The following ARID1B variants were observed in gnomAD, a reference collection of about 807,000 sequenced individuals.
ARID1B encodes AT-rich interaction domain 1B.
In ARID1B, 30 loss-of-function variants were observed where a neutral mutation model predicts 212.3. That is an observed-to-expected ratio of 0.14 (90% CI 0.11 to 0.19). ARID1B has a LOEUF of 0.19. Ranked by LOEUF, ARID1B falls within the 10% of genes least tolerant of loss-of-function variation. The pLI is 1.00. For synonymous variants in ARID1B, 1,402 were observed against 1,301.7 expected (o/e 1.08, Z -1.66); for missense variants, 2,891 against 3,204.0 (o/e 0.90, Z 2.36).
intron 8 of ARID1B, among the ~76,000 whole-genome samples, chr6:157,164,022 C>T (rs947288573): frequency 1.3e-5 from 2 of 152,208 alleles, no homozygotes; most frequent in Admixed American, 6.5e-5. Flanking sequence ...ACCTACCTTC[C>T]TCCAGGAATC....
At chr6:156,814,510 A>T (rs1177790013) in intron 1 of ARID1B, among the ~76,000 whole-genome samples, 1 of 152,192 alleles carries the variant, frequency 6.6e-6, no homozygotes, top group African/African-American at 2.4e-5. Context: ...GATTGCAGCA[A>T]ATGGGGGTTG....
intron 2 of ARID1B, among the ~76,000 whole-genome samples, chr6:156,859,656 T>C (rs287909): frequency 0.66 from 100,855 of 152,164 alleles, 33,993 homozygotes; most frequent in African/African-American, 0.76. Flanking sequence ...GGCAGCTTCT[T>C]TCTCTGTGTT....
chr6:156,791,521 T>TA (rs1432932651), intron 1 of ARID1B, among the ~76,000 whole-genome samples: 2 of 152,252 alleles, frequency 1.3e-5, no homozygotes, highest in African/African-American at 4.8e-5. Flanking sequence ...GACCTTCACA[T>TA]ATGTAGATTA....
intron 4 of ARID1B, among the ~76,000 whole-genome samples, chr6:157,031,839 T>A (rs1781033135): frequency 6.6e-6 from 1 of 152,062 alleles, no homozygotes. Flanking sequence ...TTGCCCAGGC[T>A]GGATGGAGTG....
At chr6:156,835,673 T>C (rs964719890) in intron 2 of ARID1B, among the ~76,000 whole-genome samples, 3 of 152,230 alleles carry the variant, frequency 2.0e-5, no homozygotes, top group East Asian at 1.9e-4. Context: ...ATTTTACATA[T>C]AGACTTTCAA....
chr6:156,951,140 GAA>G (rs1793554404), intron 4 of ARID1B, among the ~76,000 whole-genome samples: 1 of 152,130 alleles, frequency 6.6e-6, no homozygotes. Context: ...ACTTTTAACT[GAA>G]AGAGTCCTGG....
At chr6:157,096,691 G>A (rs1009776561) in intron 5 of ARID1B, among the ~76,000 whole-genome samples, 2 of 151,968 alleles carry the variant, frequency 1.3e-5, no homozygotes, top group Non-Finnish European at 2.9e-5. Flanking sequence ...TTACTCCTGA[G>A]CTGCGGGGTC....
chr6:156,944,302 A>T (rs1278311302), intron 4 of ARID1B, among the ~76,000 whole-genome samples: 1 of 152,070 alleles, frequency 6.6e-6, no homozygotes, highest in Non-Finnish European at 1.5e-5. Flanking sequence ...TGTAGCAGGG[A>T]CACTTGAACT....
intron 1 of ARID1B, among the ~76,000 whole-genome samples, chr6:156,785,207 G>A (rs1344256744): frequency 6.6e-6 from 1 of 152,162 alleles, no homozygotes; most frequent in Non-Finnish European, 1.5e-5. Flanking sequence ...TTATTACCAG[G>A]CACCAGACTA....
At chr6:157,090,549 T>G (rs988801250) in intron 5 of ARID1B, among the ~76,000 whole-genome samples, 10 of 152,274 alleles carry the variant, frequency 6.6e-5, no homozygotes, top group African/African-American at 2.4e-4. Context: ...GTTTGTTTCA[T>G]GGCTATTGTT....
At chr6:156,897,218 G>GCTTCTTCTTCTTCTTCTTCTTCTT (rs796265973) in intron 2 of ARID1B, among the ~76,000 whole-genome samples, 11 of 91,362 alleles carry the variant, frequency 1.2e-4, no homozygotes, top group East Asian at 7.3e-4. Context: ...TGCTGCTGCT[G>GCTTCTTCTTCTTCTTCTTCTTCTT]CTTCTTCTTC....
At chr6:156,836,322 C>G (rs1340473020) in intron 2 of ARID1B, among the ~76,000 whole-genome samples, 1 of 152,162 alleles carries the variant, frequency 6.6e-6, no homozygotes, top group African/African-American at 2.4e-5. Flanking sequence ...TGTGAAGGCC[C>G]TAATCTCCCG....
At chr6:157,132,933 C>CCCTGCCA in intron 6 of ARID1B, 95 bp from the exon 7 acceptor site, 1 of 1,342,658 alleles carries the variant, frequency 7.4e-7, no homozygotes, top group African/African-American at 1.5e-5. Flanking sequence ...CAGCCTTCTC[C>CCCTGCCA]CCTGCCACCT....
intron 8 of ARID1B, among the ~76,000 whole-genome samples, chr6:157,161,425 G>GTA (rs768153706): frequency 5.8e-4 from 72 of 124,418 alleles, no homozygotes; most frequent in African/African-American, 2.2e-3. Context: ...TTTTGATTGT[G>GTA]TGTGTGTATA....
At chr6:156,940,452 G>GT (rs1215369007) in intron 4 of ARID1B, 1 of 152,194 alleles carries the variant, frequency 6.6e-6, no homozygotes, top group Non-Finnish European at 1.5e-5. Context: ...TAAAACATAT[G>GT]TTTTTTGGCT....
chr6:157,016,399 A>C (rs1224359215), intron 4 of ARID1B, among the ~76,000 whole-genome samples: 1 of 152,236 alleles, frequency 6.6e-6, no homozygotes, highest in Admixed American at 6.5e-5. Flanking sequence ...GATCTGCTTC[A>C]AGTAAAAGAT....
chr6:157,021,889 C>CGCCGCCCT (rs1011345548), intron 4 of ARID1B, among the ~76,000 whole-genome samples: 4 of 152,170 alleles, frequency 2.6e-5, no homozygotes, highest in African/African-American at 9.7e-5. Context: ...GCCGCCGCCC[C>CGCCGCCCT]GCTACCTCGC....
chr6:156,894,788 A>G (rs754554104), intron 2 of ARID1B, among the ~76,000 whole-genome samples: 7 of 152,230 alleles, frequency 4.6e-5, no homozygotes, highest in African/African-American at 1.2e-4. Context: ...GGAGGTTCTA[A>G]TATCTGTTCC....
At chr6:156,907,898 A>C (rs1387505395) in intron 3 of ARID1B, among the ~76,000 whole-genome samples, 2 of 144,294 alleles carry the variant, frequency 1.4e-5, no homozygotes, top group African/African-American at 5.3e-5. Context: ...ACAGAGCAAG[A>C]CTGTCTCAAA....
Sources: gnomAD v4.1 joint callset for allele counts (sites outside exome capture counted in the v4.1 genomes callset) on GRCh38, gnomAD v4.1.1 for gene constraint, MANE v1.5 for transcripts, NCBI Gene and HGNC (gene_info 2026-07-23, HGNC 2026-07-21) for gene names.